The following RASA2 variants were observed in gnomAD, a reference collection of about 807,000 sequenced individuals.
RASA2 encodes RAS p21 protein activator 2, also known as ras GTPase-activating protein 2.
A neutral mutation model predicts 118.2 loss-of-function variants in RASA2; 155 were observed. The observed-to-expected ratio is 1.31, with a 90% CI of 1.15 to 1.50. The LOEUF (loss-of-function observed/expected upper bound fraction) is 1.50, where lower values mean the gene tolerates loss of function less well. Ranked by LOEUF, RASA2 falls within the 40% of genes most tolerant of loss-of-function variation. The pLI, the probability that RASA2 is intolerant of heterozygous loss-of-function variation, is 0.00. For synonymous variants in RASA2, 353 were observed against 349.1 expected, an observed-to-expected ratio of 1.01 and a Z score of -0.12; for missense variants, 1,016 against 1,009.6, an observed-to-expected ratio of 1.01 and a Z score of -0.09.
chr3:141,586,875 T>G, intron 19 of RASA2, 123 bp downstream of exon 19: 1 of 781,348 alleles, frequency 1.3e-6, no homozygotes, highest in South Asian at 1.5e-5. Context: ...TTTCTCACAC[T>G]GATACATACG....
chr3:141,494,685 A>G (rs1364763093), intron 1 of RASA2, among the ~76,000 whole-genome samples: 1 of 151,722 alleles, frequency 6.6e-6, no homozygotes, highest in Non-Finnish European at 1.5e-5. Flanking sequence ...TAAATTTTAA[A>G]TTTTTCTAAG....
chr3:141,583,195 G>A (rs559344208), intron 17 of RASA2, among the ~76,000 whole-genome samples: 10 of 152,202 alleles, frequency 6.6e-5, no homozygotes, highest in South Asian at 4.1e-4. Flanking sequence ...AGGCCGAAGC[G>A]GGCAGATCAC....
chr3:141,553,425 T>C (rs186960864), intron 5 of RASA2, among the ~76,000 whole-genome samples: 1 of 139,712 alleles, frequency 7.2e-6, no homozygotes, highest in African/African-American at 2.5e-5. Context: ...TTTCTTATTC[T>C]TATTTTTTTT....
At chr3:141,537,435 A>T (rs547104757) in intron 4 of RASA2, among the ~76,000 whole-genome samples, 38 of 152,246 alleles carry the variant, frequency 2.5e-4, no homozygotes, top group African/African-American at 8.7e-4. Flanking sequence ...GTTTCCAGGT[A>T]TCTGCTGGAT....
At chr3:141,508,229 AC>A (rs1344645289) in intron 1 of RASA2, among the ~76,000 whole-genome samples, 1 of 152,142 alleles carries the variant, frequency 6.6e-6, no homozygotes, top group East Asian at 1.9e-4. Context: ...GGATAAAAAG[AC>A]CAAAAGAGGG....
In RASA2 at chr3:141,586,701, A is replaced by G; in HGVS notation, c.1882A>G (p.Lys628Glu). ...TCGGATTGGAAAAAAGAATTTTAAGAAACGATGGTTCTGCTTAACAAGCAG... is the reference window on the plus strand; with the variant it reads ...TCGGATTGGAAAAAAGAATTTTAAGGAACGATGGTTCTGCTTAACAAGCAG... Reference protein sequence around the residue: ...RTRIGKKNFKKRWFCLTSREL... With the variant: ...RTRIGKKNFKERWFCLTSREL... The change falls in exon 19 of 24, where the codon AAA (lysine) becomes GAA (glutamate). Residue 628 changes from lysine to glutamate, a missense_variant. Lys to Glu is a moderately conservative substitution (Grantham distance 56). Transcript: ENST00000286364. The G allele has an allele frequency of 1.2e-6, 2 of 1,613,772 alleles. No homozygotes were observed. Among genetic ancestry groups the G allele is most frequent in the Non-Finnish European group, 1.7e-6 (2 of 1,179,796 alleles).
intron 4 of RASA2, 116 bp downstream of exon 4, chr3:141,529,918 A>T: frequency 1.3e-6 from 1 of 753,138 alleles, no homozygotes; most frequent in Middle Eastern, 3.3e-4. Context: ...AAATTCTAGC[A>T]TCAAATATTA....
At chr3:141,583,476 G>A (rs939158755) in intron 17 of RASA2, among the ~76,000 whole-genome samples, 1 of 152,042 alleles carries the variant, frequency 6.6e-6, no homozygotes, top group African/African-American at 2.4e-5. Context: ...TAACAAATCA[G>A]TGACTTCAGG....
chr3:141,529,262 C>T (rs566074873), intron 3 of RASA2, among the ~76,000 whole-genome samples: 1 of 151,990 alleles, frequency 6.6e-6, no homozygotes, highest in East Asian at 1.9e-4. Context: ...ATTGTTTTTC[C>T]TTTTCTCTTA....
At chr3:141,503,009 C>T (rs904929096) in intron 1 of RASA2, among the ~76,000 whole-genome samples, 1 of 152,124 alleles carries the variant, frequency 6.6e-6, no homozygotes, top group Non-Finnish European at 1.5e-5. Context: ...ATAACCTTAC[C>T]AGCTATGTAA....
At position 141,508,346 on chromosome 3, in the gene RASA2, G is replaced by C. The variant is rs926303453; in HGVS notation, c.134-3817G>C. Among the ~76,000 whole-genome samples the C allele has an allele frequency of 2.6e-5, 4 of 151,900 alleles. No homozygotes were observed. In the East Asian group the frequency reaches 7.7e-4, roughly 29 times the overall value. The stretch of plus-strand genomic sequence containing the variant: ...AGGTGGGACTGAAAAGCAGTGTTAC[G>C]ATTTGGGCACTTAATATTAGTGGTT... On this transcript the variant is annotated intron_variant, in intron 1 of 23. Transcript: ENST00000286364.
At chr3:141,526,659 TCTC>T (rs2082190029) in intron 3 of RASA2, among the ~76,000 whole-genome samples, 1 of 152,216 alleles carries the variant, frequency 6.6e-6, no homozygotes, top group Non-Finnish European at 1.5e-5. Context: ...TACTCTTTCT[TCTC>T]TGTTTCTTCA....
At chr3:141,567,051 G>T (rs950791756) in intron 9 of RASA2, among the ~76,000 whole-genome samples, 1 of 152,058 alleles carries the variant, frequency 6.6e-6, no homozygotes, top group Non-Finnish European at 1.5e-5. Flanking sequence ...TTTACTACTG[G>T]GCTTTGTAAT....
chr3:141,555,214 T>G (rs1180663969), intron 6 of RASA2, among the ~76,000 whole-genome samples: 1 of 152,180 alleles, frequency 6.6e-6, no homozygotes, highest in Non-Finnish European at 1.5e-5. Flanking sequence ...GAACCGAGAT[T>G]GTGCCATTGC....
At chr3:141,489,104 C>A (rs1022443442) in intron 1 of RASA2, among the ~76,000 whole-genome samples, 4 of 152,158 alleles carry the variant, frequency 2.6e-5, no homozygotes, top group African/African-American at 9.7e-5. Context: ...AATTGATCAT[C>A]CAGCTGCTGG....
At chr3:141,559,738 A>G (rs778415837) in intron 8 of RASA2, among the ~76,000 whole-genome samples, 156 bp from the exon 9 acceptor site, 2 of 152,120 alleles carry the variant, frequency 1.3e-5, no homozygotes, top group African/African-American at 2.4e-5. Context: ...TTGCTTCTCT[A>G]GTCTGGATAG....
At chr3:141,554,304 C>T (rs1329628141) in intron 6 of RASA2, among the ~76,000 whole-genome samples, 1 of 152,116 alleles carries the variant, frequency 6.6e-6, no homozygotes, top group African/African-American at 2.4e-5. Flanking sequence ...TAATGAATGC[C>T]AGTTCAGAAT....
intron 4 of RASA2, among the ~76,000 whole-genome samples, chr3:141,534,698 C>G (rs1173086676): frequency 6.6e-6 from 1 of 151,776 alleles, no homozygotes; most frequent in Non-Finnish European, 1.5e-5. Context: ...AAAACATGCC[C>G]TATTCAAGAC....
intron 1 of RASA2, among the ~76,000 whole-genome samples, chr3:141,494,978 C>T (rs909863117): frequency 2.0e-4 from 30 of 152,106 alleles, no homozygotes; most frequent in African/African-American, 6.8e-4. Flanking sequence ...ACTTATATAA[C>T]GTCTGATGGT....
Sources: gnomAD v4.1 joint callset for allele counts (sites outside exome capture counted in the v4.1 genomes callset) on GRCh38, gnomAD v4.1.1 for gene constraint, MANE v1.5 for transcripts, NCBI Gene and HGNC (gene_info 2026-07-23, HGNC 2026-07-21) for gene names.